BOD1L1: variants seen among roughly 807,000 people sequenced by gnomAD.
BOD1L1 encodes the protein biorientation of chromosomes in cell division 1 like 1.
BOD1L1 carries 86 observed loss-of-function variants against 240.7 expected under a neutral mutation model. The ratio of observed to expected loss-of-function variants is 0.36; its 90% confidence interval spans 0.30 to 0.43. The LOEUF (loss-of-function observed/expected upper bound fraction) is 0.43. BOD1L1 is among the 20% of genes least tolerant of loss of function. BOD1L1 has a pLI of 1.00. For missense variants in BOD1L1, 3,554 were observed against 3,643.5 expected (o/e 0.98, Z 0.63); for synonymous variants, 1,268 against 1,272.3 (o/e 1.00, Z 0.07).
Position 13,602,230 on chromosome 4 carries a change from A to G in BOD1L1, c.4670T>C (p.Ile1557Thr), listed in dbSNP as rs929297311. ...TATTATGAGGCCTTCATCTGCCTCA[A>G]TGCTGGTGCAAGGCAAAGCCACCTC... ...QSEVALPCTS[I>T]EADEGLIIGT... The change falls in exon 10 of 26, where the codon ATT becomes ACT. Residue 1557 changes from isoleucine (I) to threonine (T), a missense_variant. Coordinates refer to ENST00000040738, the MANE Select transcript of BOD1L1 (RefSeq NM_148894.3). 4.3e-6 allele frequency: 7 copies of G among 1,613,734 alleles called. No homozygotes were observed. Among genetic ancestry groups the G allele is most frequent in the African/African-American group, 2.7e-5 (2 of 74,938 alleles).
In BOD1L1 at chr4:13,599,184, A is replaced by C. The variant is rs769174139; in HGVS notation, c.7716T>G (p.Thr2572=). ...AAGGAGCAATTTTTGATTCTTGGCC[A>C]GTAATACATTTGGTGGTACTGGTTT... The part of the protein sequence containing the change: ...NLKTSTTKCI[T]GQESKIAPSH... Residue 2572 remains threonine, a synonymous_variant, in exon 10 of 26, where the codon ACT becomes ACG. Transcript: ENST00000040738. 5 of 1,613,900 alleles carry C rather than the reference A, an allele frequency of 3.1e-6. No homozygotes were observed. The African/African-American group carries it at 5.3e-5, about 17-fold the overall frequency.
At chr4:13,575,563 G>A (rs2108880141) in intron 25 of BOD1L1, among the ~76,000 whole-genome samples, 1 of 151,986 alleles carries the variant, frequency 6.6e-6, no homozygotes, top group Non-Finnish European at 1.5e-5. Flanking sequence ...TAATTTTTTT[G>A]TAGAGATGGG....
chr4:13,595,724 A>G, intron 12 of BOD1L1, 136 bp downstream of exon 12: 1 of 603,826 alleles, frequency 1.7e-6, no homozygotes, highest in South Asian at 2.4e-5. Flanking sequence ...AATTCTCCCT[A>G]ATCTATTTTA....
At position 13,603,138 on chromosome 4, in the gene BOD1L1, C is replaced by T. The variant is rs1384803516; in HGVS notation, c.3762G>A (p.Lys1254=). Residue 1254 remains lysine, a synonymous_variant, in exon 10 of 26, where the codon AAG becomes AAA. Coordinates refer to ENST00000040738, the MANE Select transcript of BOD1L1 (RefSeq NM_148894.3). ...SAPSENDRVQ[K]NLKNTAAEEH... ...CTTCAGCAGCTGTGTTTTTCAAATT[C>T]TTCTGTACCCTATCATTTTCTGATG... 2.3e-5 allele frequency: 37 copies of T among 1,613,896 alleles called. No individual in the cohort carries two copies. Among genetic ancestry groups the T allele is most frequent in the Non-Finnish European group, 3.1e-5 (36 of 1,179,900 alleles).
At chr4:13,584,096 T>G (rs965406926) in intron 17 of BOD1L1, among the ~76,000 whole-genome samples, 1 of 152,194 alleles carries the variant, frequency 6.6e-6, no homozygotes, top group Non-Finnish European at 1.5e-5. Context: ...TAAATATTAG[T>G]AGAGATTACT....
chr4:13,582,099 A>C, intron 19 of BOD1L1, 138 bp downstream of exon 19: 1 of 632,304 alleles, frequency 1.6e-6, no homozygotes. Flanking sequence ...ACTGTATGAA[A>C]TGGTGTTCCA....
At chr4:13,594,402 A>C (rs1714447679) in intron 12 of BOD1L1, among the ~76,000 whole-genome samples, 1 of 152,166 alleles carries the variant, frequency 6.6e-6, no homozygotes, top group African/African-American at 2.4e-5. Flanking sequence ...ATAATTCCTC[A>C]CTGTCACAGT....
chr4:13,619,081 C>T (rs1004209092), intron 2 of BOD1L1, among the ~76,000 whole-genome samples: 2 of 151,950 alleles, frequency 1.3e-5, no homozygotes, highest in African/African-American at 4.8e-5. Context: ...CCAGCACTTT[C>T]AGAAGCCAAG....
At chr4:13,592,089 T>C (rs1714264169) in intron 12 of BOD1L1, 123 bp from the exon 13 acceptor site, 1 of 630,154 alleles carries the variant, frequency 1.6e-6, no homozygotes, top group Non-Finnish European at 2.7e-6. Flanking sequence ...TTAGCTGCTT[T>C]CATAAATTAT....
chr4:13,587,887 A>T (rs1388792066), intron 15 of BOD1L1, 116 bp from the exon 16 acceptor site: 2 of 709,400 alleles, frequency 2.8e-6, no homozygotes, highest in Non-Finnish European at 2.3e-6. Context: ...TAAATTTTTT[A>T]AAAATCTAGA....
chr4:13,581,215 G>A lies in BOD1L1; in HGVS notation c.8593-8C>T. On this transcript the variant is annotated splice_polypyrimidine_tract_variant and splice_region_variant and intron_variant, in intron 19 of 25. Coordinates refer to ENST00000040738, the MANE Select transcript of BOD1L1 (RefSeq NM_148894.3). ...AATTATTGGCTGATCTTCCTAAGGG[G>A]GAAATAAAAAACAACAACAGCAATA... The A allele has an allele frequency of 1.3e-6, 2 of 1,531,674 alleles. No homozygotes were observed. Among genetic ancestry groups the A allele is most frequent in the Non-Finnish European group, 1.8e-6 (2 of 1,139,758 alleles). 94.9% of individuals were successfully genotyped at this position (1,531,674 alleles called of 1,614,324 possible). A position where few individuals can be genotyped will look rare whatever the true frequency, so the allele number is the denominator to read the frequency against.
In BOD1L1 at chr4:13,602,435, C is replaced by G; in HGVS notation, c.4465G>C (p.Gly1489Arg). The G allele has an allele frequency of 6.2e-7, 1 of 1,614,028 alleles. No homozygotes were observed. Among genetic ancestry groups the G allele is most frequent in the Non-Finnish European group, 8.5e-7 (1 of 1,179,898 alleles). The change falls in exon 10 of 26, where the codon GGC (glycine) becomes CGC (arginine). Residue 1489 changes from glycine (G) to arginine (R), a missense_variant. Transcript: ENST00000040738. ...TGGTGTAAAACAGAGGGTGCAGAGC[C>G]ACTTCCAGCACTGGTGTCTACCTCA... Reference protein sequence around the residue: ...NSEVDTSAGSGSAPSVLHQRN... With the variant: ...NSEVDTSAGSRSAPSVLHQRN...
rs1445247560 is a variant in BOD1L1, at chr4:13,599,393, C to T, written c.7507G>A (p.Ala2503Thr). Residue 2503 changes from alanine to threonine, a missense_variant, in exon 10 of 26, where the codon GCC (alanine) becomes ACC (threonine). Physicochemically the swap from Ala to Thr is moderately conservative, Grantham distance 58. This residue lies in a region of BOD1L1 where 3,393 missense variants were observed against 3,427.1 expected (regional missense o/e 0.99). Transcript: ENST00000040738. Reference sequence around the variant, plus strand: ...GTCTGTTCTGGTCCTCTCAGGTGGGCAGGTGAGTTAGCATTCCCCTCTAAG... The same window carrying T: ...GTCTGTTCTGGTCCTCTCAGGTGGGTAGGTGAGTTAGCATTCCCCTCTAAG... ...RGLEGNANSP[A>T]HLRGPEQTSG... 5 of 1,613,894 alleles carry T rather than the reference C, an allele frequency of 3.1e-6. No homozygotes were observed. Among genetic ancestry groups the T allele is most frequent in the Non-Finnish European group, 4.2e-6 (5 of 1,179,890 alleles).
Position 13,608,693 on chromosome 4 carries a change from C to A in BOD1L1, c.1604-25G>T, listed in dbSNP as rs538874437. 4.3e-6 allele frequency: 6 copies of A among 1,387,866 alleles called. No homozygotes were observed. The African/African-American group carries it at 7.5e-5, about 17-fold the overall frequency. The allele number at this position is 1,387,866 out of a possible 1,614,324, so 86.0% of individuals were successfully genotyped here. On this transcript the variant is annotated intron_variant, in intron 7 of 25. Coordinates refer to ENST00000040738, the MANE Select transcript of BOD1L1 (RefSeq NM_148894.3). ...CCTAGAAAAGAAGCAATCAATAAAA[C>A]GTATTTCAGAAAAGTTTTACAAACA...
intron 17 of BOD1L1, among the ~76,000 whole-genome samples, chr4:13,585,870 G>GCTC (rs1354716792): frequency 6.6e-6 from 1 of 152,134 alleles, no homozygotes; most frequent in Non-Finnish European, 1.5e-5. Flanking sequence ...ACGTGACTTT[G>GCTC]CTCCTCCTTT....
At chr4:13,616,443 GACA>G (rs1418314434) in intron 2 of BOD1L1, among the ~76,000 whole-genome samples, 3 of 152,186 alleles carry the variant, frequency 2.0e-5, no homozygotes, top group Non-Finnish European at 4.4e-5. Context: ...GAGCGATGAG[GACA>G]ACAATCTGTG....
intron 25 of BOD1L1, among the ~76,000 whole-genome samples, chr4:13,571,432 T>C (rs1326924714): frequency 6.6e-6 from 1 of 152,248 alleles, no homozygotes; most frequent in African/African-American, 2.4e-5. Context: ...GTGTTGACAA[T>C]GACTGAAAAT....
chr4:13,594,789 G>C (rs1714493496), intron 12 of BOD1L1, among the ~76,000 whole-genome samples: 1 of 152,178 alleles, frequency 6.6e-6, no homozygotes, highest in Non-Finnish European at 1.5e-5. Context: ...CAGCTACTCA[G>C]GAAGCTGAGG....
At chr4:13,608,328 G>A (rs1227851580) in intron 8 of BOD1L1, among the ~76,000 whole-genome samples, 1 of 152,058 alleles carries the variant, frequency 6.6e-6, no homozygotes, top group Non-Finnish European at 1.5e-5. Flanking sequence ...GATCTGGGAC[G>A]CCCAAAAAGA....
Sources: gnomAD v4.1 joint callset for allele counts (sites outside exome capture counted in the v4.1 genomes callset) on GRCh38, gnomAD v4.1.1 for gene constraint, gnomAD v4.1.1 regional missense constraint, MANE v1.5 for transcripts, NCBI Gene and HGNC (gene_info 2026-07-23, HGNC 2026-07-21) for gene names.